The following HPSE2 variants were observed in gnomAD, a reference collection of about 807,000 sequenced individuals.
The protein encoded by HPSE2 is heparanase 2 (inactive).
In HPSE2, 38 loss-of-function variants were observed where a neutral mutation model predicts 60.5. That is an observed-to-expected ratio of 0.63 (90% CI 0.48 to 0.82). The LOEUF (loss-of-function observed/expected upper bound fraction) is 0.82. Ranked by LOEUF, HPSE2 falls within the 40% of genes least tolerant of loss-of-function variation. HPSE2 has a pLI of 0.00. For synonymous variants in HPSE2, 295 were observed against 293.2 expected (o/e 1.01, Z -0.06); for missense variants, 713 against 740.4 (o/e 0.96, Z 0.43).
intron 3 of HPSE2, among the ~76,000 whole-genome samples, chr10:98,823,800 C>T (rs922220353): frequency 2.0e-5 from 3 of 151,988 alleles, no homozygotes; most frequent in Admixed American, 2.0e-4. Flanking sequence ...TTTAACATAC[C>T]TCTAACAATA....
At chr10:98,987,367 A>G (rs1403846378) in intron 3 of HPSE2, among the ~76,000 whole-genome samples, 3 of 152,212 alleles carry the variant, frequency 2.0e-5, no homozygotes, top group Non-Finnish European at 4.4e-5. Flanking sequence ...AACGTAATCC[A>G]GCATATAAAC....
the HPSE2 span, among the ~76,000 whole-genome samples, chr10:99,286,810 C>T: frequency 6.6e-5 from 10 of 152,302 alleles, no homozygotes; most frequent in Non-Finnish European, 1.2e-4. Context: ...TCCTTGAGTA[C>T]TGTTAAATGC....
rs140363210 is a variant in HPSE2 at position 98,897,341 on chromosome 10, A to T, written c.611-153285T>A. On this transcript the variant is annotated intron_variant, in intron 3 of 11. Coordinates refer to ENST00000370552, the MANE Select transcript of HPSE2 (RefSeq NM_021828.5). ...TGCCCAAAAACTATTGAAATAAAAT[A>T]GAAAAATAAAGTTTATATGGAAAAG... Among the ~76,000 whole-genome samples the T allele has an allele frequency of 5.3e-5, 8 of 152,336 alleles. No homozygotes were observed. In the East Asian group the frequency reaches 1.3e-3, roughly 26 times the overall value.
chr10:98,646,968 G>GT (rs1946786727), intron 6 of HPSE2, among the ~76,000 whole-genome samples: 1 of 152,214 alleles, frequency 6.6e-6, no homozygotes, highest in East Asian at 1.9e-4. Context: ...CCCCTAATTA[G>GT]TTTTTTAATA....
chr10:99,289,440 A>T, the HPSE2 span, among the ~76,000 whole-genome samples: 1 of 152,094 alleles, frequency 6.6e-6, no homozygotes, highest in African/African-American at 2.4e-5. Context: ...TACTGGTGGC[A>T]ATTTTTAGCA....
chr10:98,816,619 C>T (rs1462875726), intron 3 of HPSE2, among the ~76,000 whole-genome samples: 1 of 152,176 alleles, frequency 6.6e-6, no homozygotes, highest in Admixed American at 6.5e-5. Context: ...ATCTGCCAGC[C>T]TTCAACATCT....
chr10:98,976,868 C>A (rs917001862), intron 3 of HPSE2, among the ~76,000 whole-genome samples: 3 of 152,042 alleles, frequency 2.0e-5, no homozygotes, highest in African/African-American at 7.2e-5. Context: ...ACAATATGAG[C>A]AGGCCTTCAA....
chr10:98,499,153 A>C (rs1941948393), intron 9 of HPSE2, among the ~76,000 whole-genome samples: 1 of 152,178 alleles, frequency 6.6e-6, no homozygotes, highest in Non-Finnish European at 1.5e-5. Context: ...CACAAAAATC[A>C]CCTGGGAAAT....
At chr10:98,793,886 G>T (rs1348594) in intron 3 of HPSE2, among the ~76,000 whole-genome samples, 5,771 of 152,244 alleles carry the variant, frequency 0.038, 237 homozygotes, top group East Asian at 0.17. Flanking sequence ...AGCCAAGGTT[G>T]TTGAATACTA....
At chr10:98,726,064 G>A (rs184759541) in intron 4 of HPSE2, among the ~76,000 whole-genome samples, 1 of 152,200 alleles carries the variant, frequency 6.6e-6, no homozygotes, top group African/African-American at 2.4e-5. Flanking sequence ...AACCATTGTG[G>A]AAGTTGGTGT....
At chr10:98,478,400 G>C (rs1941106560) in intron 11 of HPSE2, among the ~76,000 whole-genome samples, 1 of 152,000 alleles carries the variant, frequency 6.6e-6, no homozygotes, top group South Asian at 2.1e-4. Flanking sequence ...AGAGGAAACA[G>C]GGGGAATGGG....
At chr10:99,132,369 G>C (rs1371390157) in intron 3 of HPSE2, among the ~76,000 whole-genome samples, 1 of 152,016 alleles carries the variant, frequency 6.6e-6, no homozygotes, top group Admixed American at 6.6e-5. Flanking sequence ...TGTAAAAAAT[G>C]AACTCTTTGA....
chr10:99,094,005 CTCTT>C (rs951411787), intron 3 of HPSE2, among the ~76,000 whole-genome samples: 2 of 151,878 alleles, frequency 1.3e-5, no homozygotes. Flanking sequence ...GATTTTTTTA[CTCTT>C]TCTTTATTGA....
At chr10:99,202,494 G>A (rs1479111666) in intron 2 of HPSE2, among the ~76,000 whole-genome samples, 5 of 152,052 alleles carry the variant, frequency 3.3e-5, no homozygotes. Context: ...TGTAAAGCTG[G>A]GACAAGTTAT....
At chr10:98,906,785 T>TC (rs1486877280) in intron 3 of HPSE2, among the ~76,000 whole-genome samples, 1 of 151,808 alleles carries the variant, frequency 6.6e-6, no homozygotes. Context: ...GCACCAGTAG[T>TC]CCCAGCTACT....
chr10:98,662,513 CATGGACACAAAGAGGGG>C lies in HPSE2; in HGVS notation c.1005-20590_1005-20574del, dbSNP rs1296467749. Among the ~76,000 whole-genome samples, 3 of 152,234 alleles carry C rather than the reference CATGGACACAAAGAGGGG, an allele frequency of 2.0e-5. No individual in the cohort carries two copies. In the East Asian group the frequency reaches 5.8e-4, roughly 29 times the overall value. ...AAGTGGGAGCTAAATGATGAGACCA[CATGGACACAAAGAGGGG>C]AACAGACACTGGGATATAGTTGAGA... On this transcript the variant is annotated intron_variant, in intron 6 of 11. Transcript: ENST00000370552.
chr10:99,260,974 C>G, the HPSE2 span, among the ~76,000 whole-genome samples: 3 of 152,302 alleles, frequency 2.0e-5, no homozygotes, highest in East Asian at 5.8e-4. Flanking sequence ...CCAGTACAAA[C>G]TCGACAGTGG....
chr10:98,777,990 G>A (rs2134442225), intron 3 of HPSE2, among the ~76,000 whole-genome samples: 1 of 152,062 alleles, frequency 6.6e-6, no homozygotes, highest in South Asian at 2.1e-4. Context: ...CAGGGAGTCA[G>A]GACACCATGA....
At chr10:98,860,624 A>G (rs746100379) in intron 3 of HPSE2, among the ~76,000 whole-genome samples, 1 of 152,170 alleles carries the variant, frequency 6.6e-6, no homozygotes, top group Non-Finnish European at 1.5e-5. Context: ...ACTTCTAGTA[A>G]GTGCTAGAGC....
Sources: allele counts gnomAD v4.1 joint callset (sites outside exome capture counted in the v4.1 genomes callset), GRCh38; gene constraint gnomAD v4.1.1; transcripts MANE v1.5; gene names NCBI Gene and HGNC (gene_info 2026-07-23, HGNC 2026-07-21).